The following PCAT7 variants were observed in gnomAD, a reference collection of about 807,000 sequenced individuals.
PCAT7 encodes the protein prostate cancer associated transcript 7 (non-protein coding).
At chr9:94,569,612 T>G (rs114760557) in intron 2 of PCAT7, 1 of 152,368 alleles carries the variant, frequency 6.6e-6, no homozygotes, top group African/African-American at 2.4e-5. Flanking sequence ...TGTTCCTTTG[T>G]TCTGATTGTG....
intron 1 of PCAT7, chr9:94,555,465 G>GA (rs910516856): frequency 1.3e-5 from 2 of 151,638 alleles, no homozygotes; most frequent in East Asian, 3.9e-4. Context: ...GATGGAGGTG[G>GA]AAAAACAGGG....
intron 2 of PCAT7, among the ~76,000 whole-genome samples, chr9:94,559,831 T>C (rs1827067961): frequency 6.6e-6 from 1 of 152,108 alleles, no homozygotes; most frequent in Non-Finnish European, 1.5e-5. Context: ...ATCTGTATTC[T>C]CAGTAGTGCC....
chr9:94,554,793 A>AGGCTCCAG (rs1564176102), upstream of PCAT7, among the ~76,000 whole-genome samples: 4 of 152,042 alleles, frequency 2.6e-5, no homozygotes, highest in African/African-American at 9.7e-5. Context: ...CCAGGCTCCA[A>AGGCTCCAG]GCTCCAGGCT....
chr9:94,573,835 T>C (rs993421443), intron 3 of PCAT7, among the ~76,000 whole-genome samples: 6 of 152,250 alleles, frequency 3.9e-5, no homozygotes, highest in African/African-American at 1.4e-4. Flanking sequence ...ACTGGTTTCA[T>C]AAAATGAATT....
intron 2 of PCAT7, chr9:94,563,476 G>A: frequency 6.2e-7 from 1 of 1,611,232 alleles, no homozygotes; most frequent in South Asian, 1.1e-5. Context: ...AAGACAGAAA[G>A]CGAAGAGACA....
upstream of PCAT7, among the ~76,000 whole-genome samples, chr9:94,554,727 C>T (rs1282569283): frequency 6.6e-6 from 1 of 152,232 alleles, no homozygotes; most frequent in Non-Finnish European, 1.5e-5. Flanking sequence ...CGCTGCTAGC[C>T]TCCCTCCTAC....
chr9:94,571,255 A>T (rs929607647), intron 2 of PCAT7, among the ~76,000 whole-genome samples: 5 of 152,134 alleles, frequency 3.3e-5, no homozygotes, highest in African/African-American at 1.2e-4. Flanking sequence ...GCTCTGCAGG[A>T]CACTCCTCCC....
chr9:94,558,873 C>CTAA (rs1198175385), intron 1 of PCAT7: 1 of 1,449,292 alleles, frequency 6.9e-7, no homozygotes, highest in Non-Finnish European at 9.7e-7. Context: ...CTCTGTTTAT[C>CTAA]GTTCATTTAG....
intron 2 of PCAT7, chr9:94,570,940 C>T (rs1333006884): frequency 6.6e-6 from 1 of 152,264 alleles, no homozygotes; most frequent in Non-Finnish European, 1.5e-5. Flanking sequence ...AACTTAAATA[C>T]TTAACCTTTT....
At chr9:94,565,015 A>G (rs1756137133) in intron 2 of PCAT7, among the ~76,000 whole-genome samples, 1 of 152,226 alleles carries the variant, frequency 6.6e-6, no homozygotes, top group South Asian at 2.1e-4. Flanking sequence ...ATCACTGTAT[A>G]TTATATATAA....
chr9:94,571,040 A>G (rs1320135033), intron 2 of PCAT7: 1 of 156,216 alleles, frequency 6.4e-6, no homozygotes, highest in Non-Finnish European at 1.4e-5. Flanking sequence ...AAAGCATTTC[A>G]CAATTGATGG....
intron 2 of PCAT7, among the ~76,000 whole-genome samples, chr9:94,560,534 C>T (rs1324183818): frequency 2.0e-5 from 3 of 152,072 alleles, no homozygotes; most frequent in African/African-American, 7.2e-5. Flanking sequence ...ACCTGTGTAA[C>T]TTCCCAAAAG....
intron 2 of PCAT7, chr9:94,571,697 A>G: frequency 8.6e-7 from 1 of 1,158,572 alleles, no homozygotes; most frequent in Non-Finnish European, 1.2e-6. Context: ...CGAATCACTG[A>G]AGGAAGCGCG....
upstream of PCAT7, among the ~76,000 whole-genome samples, chr9:94,554,810 G>A (rs567622482): frequency 2.0e-5 from 3 of 151,898 alleles, no homozygotes; most frequent in Non-Finnish European, 2.9e-5. Context: ...GGCTCCAGGG[G>A]GCGAAAAGTG....
exon 2 of PCAT7, chr9:94,558,976 A>G (rs780523217): frequency 1.2e-5 from 19 of 1,614,050 alleles, no homozygotes; most frequent in Non-Finnish European, 1.4e-5. Flanking sequence ...CAGGTGAGAT[A>G]TTCCTGCACA....
upstream of PCAT7, among the ~76,000 whole-genome samples, chr9:94,554,651 G>A (rs955411728): frequency 6.6e-6 from 1 of 152,236 alleles, no homozygotes; most frequent in African/African-American, 2.4e-5. Flanking sequence ...CGCAAGCTCC[G>A]GCTCCAGCCT....
chr9:94,563,404 G>A (rs768188420), intron 2 of PCAT7: 57 of 1,613,842 alleles, frequency 3.5e-5, no homozygotes, highest in Admixed American at 6.7e-5. Flanking sequence ...ACCAGGGTGC[G>A]GTGCACGTCA....
chr9:94,555,640 G>T (rs1227332153), intron 1 of PCAT7, among the ~76,000 whole-genome samples: 1 of 151,814 alleles, frequency 6.6e-6, no homozygotes, highest in Non-Finnish European at 1.5e-5. Flanking sequence ...AGATGGTGGG[G>T]AGAGAAGTTT....
intron 2 of PCAT7, chr9:94,563,193 C>A (rs1323951024): frequency 3.5e-6 from 3 of 846,862 alleles, no homozygotes; most frequent in Non-Finnish European, 5.3e-6. Flanking sequence ...GAGACTCACT[C>A]AAGGGAAACA....
Sources: gnomAD v4.1 joint callset for allele counts (sites outside exome capture counted in the v4.1 genomes callset) on GRCh38, gnomAD v4.1.1 for gene constraint, MANE v1.5 for transcripts, NCBI Gene and HGNC (gene_info 2026-07-23, HGNC 2026-07-21) for gene names.